CPNE5: variants seen among roughly 807,000 people sequenced by gnomAD.
CPNE5 encodes the protein copine-5.
Under a neutral mutation model 81.1 loss-of-function variants are expected in CPNE5, and 42 were observed. The ratio of observed to expected loss-of-function variants is 0.52; its 90% CI spans 0.40 to 0.67. CPNE5 has a LOEUF of 0.67. CPNE5 is among the 30% of genes least tolerant of loss of function. The pLI is 0.00. For synonymous variants in CPNE5, 313 were observed against 321.5 expected (o/e 0.97, Z 0.28); for missense variants, 612 against 815.5 (o/e 0.75, Z 3.04).
rs182791305 is a variant in CPNE5, at chr6:36,760,236, C to T, written c.855+2681G>A. The stretch of plus-strand genomic sequence containing the variant: ...CCATCTTAAAAAAAAAAAAAAAGCA[C>T]GCATACACAGATTGCGGGTGGCTGG... On this transcript the variant is annotated intron_variant, in intron 12 of 20. Coordinates refer to ENST00000244751, the MANE Select transcript of CPNE5 (RefSeq NM_020939.2). 2.2e-3 allele frequency among the ~76,000 whole-genome samples: 332 copies of T among 149,220 alleles called. 1 individual carries two copies. The highest frequency in any genetic ancestry group is 7.3e-3 in the African/African-American group (296 of 40,570).
rs1772607531 is a variant in CPNE5, at chr6:36,827,529, C to T, written c.96-4431G>A. On this transcript the variant is annotated intron_variant, in intron 1 of 20. Transcript: ENST00000244751. ...CTATTATGTCTCTGATGGCAGCCGT[C>T]CAAATACCACATGTTGAGACACCGT... 3.0e-6 allele frequency: 3 copies of T among 985,304 alleles called. No individual in the cohort carries two copies. The African/African-American group carries it at 5.2e-5, about 17-fold the overall frequency. The allele number at this position is 985,304 out of a possible 1,614,324, so 61.0% of individuals were successfully genotyped here.
At chr6:36,763,707 G>A (rs1331079719) in intron 11 of CPNE5, among the ~76,000 whole-genome samples, 1 of 151,906 alleles carries the variant, frequency 6.6e-6, no homozygotes, top group African/African-American at 2.4e-5. Flanking sequence ...TTTCAATGAA[G>A]CATTTAGAGG....
chr6:36,762,944 A>G lies in CPNE5; in HGVS notation c.828T>C (p.Arg276=). ...CATAGATGTTGAATTGGCTCTGCCCACGGGCCAGCTCCCGGTAACTGGTGG... is the reference window on the plus strand; with the variant it reads ...CATAGATGTTGAATTGGCTCTGCCCGCGGGCCAGCTCCCGGTAACTGGTGG... ...EFTTSYRELA[R]GQSQFNIYEV... is the part of the protein sequence containing the mutation. The change falls in exon 12 of 21, where the codon CGT becomes CGC. Residue 276 remains arginine (R), a synonymous_variant. Coordinates refer to ENST00000244751, the MANE Select transcript of CPNE5 (RefSeq NM_020939.2). The G allele has an allele frequency of 6.2e-7, 1 of 1,614,196 alleles. No homozygotes were observed. Among genetic ancestry groups the G allele is most frequent in the Non-Finnish European group, 8.5e-7 (1 of 1,180,022 alleles).
intron 8 of CPNE5, among the ~76,000 whole-genome samples, chr6:36,779,518 C>T (rs577763253): frequency 1.3e-5 from 2 of 152,290 alleles, no homozygotes; most frequent in Admixed American, 6.5e-5. Context: ...GGAGGAAGTT[C>T]GAGTTTTGGC....
At chr6:36,792,277 G>T in intron 7 of CPNE5, 181 bp from the exon 8 acceptor site, 1 of 1,430,578 alleles carries the variant, frequency 7.0e-7, no homozygotes, top group Non-Finnish European at 9.5e-7. Context: ...CTAGTGCACT[G>T]CTTCCTGGGA....
At position 36,799,968 on chromosome 6, in the gene CPNE5, G is replaced by C. The variant is rs751580624; in HGVS notation, c.286C>G (p.Leu96Val). ...FEEKQNLRFDLYDVDSKSPDL... is the reference protein window; with the variant it reads ...FEEKQNLRFDVYDVDSKSPDL... ...TCTTCAGCACCATCTTCCACTTACA[G>C]ATCAAAACGGAGGTTCTGCTTCTCC... The change falls in exon 4 of 21, where the codon CTA (leucine) becomes GTA (valine). Residue 96 changes from leucine (L) to valine (V), a missense_variant and splice_region_variant. Leu to Val is a conservative substitution (Grantham distance 32, BLOSUM62 1). Coordinates refer to ENST00000244751, the MANE Select transcript of CPNE5 (RefSeq NM_020939.2). 19 of 1,608,524 alleles carry C rather than the reference G, an allele frequency of 1.2e-5. No individual in the cohort carries two copies. Among genetic ancestry groups the C allele is most frequent in the Non-Finnish European group, 1.6e-5 (19 of 1,174,984 alleles).
intron 1 of CPNE5, among the ~76,000 whole-genome samples, chr6:36,832,256 A>G (rs527629843): frequency 2.0e-5 from 3 of 152,268 alleles, no homozygotes; most frequent in African/African-American, 7.2e-5. Context: ...AAATGGCCCC[A>G]TAGATGCCAC....
At chr6:36,743,877 C>G in intron 19 of CPNE5, 115 bp from the exon 20 acceptor site, 1 of 898,934 alleles carries the variant, frequency 1.1e-6, no homozygotes, top group South Asian at 1.4e-5. Context: ...AGACCACTGG[C>G]CCATGCCCCG....
intron 6 of CPNE5, among the ~76,000 whole-genome samples, chr6:36,795,255 C>T (rs568373969): frequency 5.3e-5 from 8 of 152,146 alleles, no homozygotes; most frequent in Admixed American, 1.3e-4. Context: ...CTCGGCTCAC[C>T]GCAACCTCCA....
At chr6:36,797,825 T>C (rs1468513475) in intron 6 of CPNE5, among the ~76,000 whole-genome samples, 1 of 152,160 alleles carries the variant, frequency 6.6e-6, no homozygotes, top group African/African-American at 2.4e-5. Flanking sequence ...TCCCTCTTCC[T>C]AGCTGTGTGT....
intron 1 of CPNE5, among the ~76,000 whole-genome samples, chr6:36,838,190 C>T (rs1011570743): frequency 2.6e-5 from 4 of 152,206 alleles, no homozygotes; most frequent in African/African-American, 9.6e-5. Context: ...CTTTGTAATA[C>T]AGGACTGGGG....
At chr6:36,800,986 A>G (rs1392469996) in intron 3 of CPNE5, among the ~76,000 whole-genome samples, 2 of 152,218 alleles carry the variant, frequency 1.3e-5, no homozygotes, top group Non-Finnish European at 2.9e-5. Context: ...GCCCCAGCCA[A>G]CACCTTCACT....
chr6:36,826,389 C>A (rs1399681256), intron 1 of CPNE5, among the ~76,000 whole-genome samples: 1 of 152,204 alleles, frequency 6.6e-6, no homozygotes, highest in African/African-American at 2.4e-5. Context: ...ACCCTCTCTT[C>A]CCCACTCTGC....
intron 1 of CPNE5, among the ~76,000 whole-genome samples, chr6:36,835,428 C>T (rs1431470629): frequency 6.6e-6 from 1 of 152,156 alleles, no homozygotes; most frequent in African/African-American, 2.4e-5. Flanking sequence ...TTTAAAGTCA[C>T]ATTTTTTATG....
At chr6:36,786,158 A>T (rs1372377045) in intron 8 of CPNE5, among the ~76,000 whole-genome samples, 1 of 152,174 alleles carries the variant, frequency 6.6e-6, no homozygotes, top group Non-Finnish European at 1.5e-5. Flanking sequence ...TCAATGAAAA[A>T]GAAAAGGAAT....
chr6:36,746,470 C>T lies in CPNE5; in HGVS notation c.1126G>A (p.Asp376Asn). 6.2e-7 allele frequency: 1 copy of T among 1,613,674 alleles called. No individual in the cohort carries two copies. The highest frequency in any genetic ancestry group is 8.5e-7 in the Non-Finnish European group (1 of 1,179,792). Residue 376 changes from aspartate (D) to asparagine (N), a missense_variant, in exon 16 of 21, where the codon GAC becomes AAC. Asp to Asn is a conservative substitution (Grantham distance 23). Coordinates refer to ENST00000244751, the MANE Select transcript of CPNE5 (RefSeq NM_020939.2). This position sits in a 1 kb window ranked among gnomAD's most constrained non-coding sequence, Gnocchi z 4.5. ...VGEIIQHYDSDKMFPALGFGA... is the reference protein window; with the variant it reads ...VGEIIQHYDSNKMFPALGFGA... ...AAGCCCAGGGCAGGGAACATCTTGT[C>T]ACTGTCGTAGTGCTGGATGATCTCT...
At chr6:36,832,843 AGT>A (rs1773075302) in intron 1 of CPNE5, among the ~76,000 whole-genome samples, 1 of 151,940 alleles carries the variant, frequency 6.6e-6, no homozygotes. Flanking sequence ...GACCATCTCG[AGT>A]ATCGCCTTGA....
chr6:36,836,784 T>C (rs188613723), intron 1 of CPNE5, among the ~76,000 whole-genome samples: 2 of 152,258 alleles, frequency 1.3e-5, no homozygotes, highest in Admixed American at 1.3e-4. Context: ...AGAACCTGAA[T>C]AGTTGGGCCT....
chr6:36,778,530 A>T (rs1767747699), intron 9 of CPNE5, among the ~76,000 whole-genome samples: 1 of 152,086 alleles, frequency 6.6e-6, no homozygotes, highest in Non-Finnish European at 1.5e-5. Context: ...CCCATGAGGG[A>T]CTGGCCCCCT....
Sources: gnomAD v4.1 joint callset for allele counts (sites outside exome capture counted in the v4.1 genomes callset) on GRCh38, gnomAD v4.1.1 for gene constraint, Gnocchi (gnomAD v3.1) non-coding constraint, MANE v1.5 for transcripts, NCBI Gene and HGNC (gene_info 2026-07-23, HGNC 2026-07-21) for gene names.